The following SPTAN1 variants were observed in gnomAD, a reference collection of about 807,000 sequenced individuals.
SPTAN1 encodes the protein spectrin alpha, non-erythrocytic 1, also known as spectrin alpha chain, non-erythrocytic 1.
In SPTAN1, 61 loss-of-function variants were observed where a neutral mutation model predicts 331.3. That is an observed-to-expected ratio of 0.18 (90% CI 0.15 to 0.23). The LOEUF is 0.23. Ranked by LOEUF, SPTAN1 falls within the 10% of genes least tolerant of loss-of-function variation. SPTAN1 has a pLI of 1.00. For missense variants in SPTAN1, 2,043 were observed against 3,147.9 expected, an observed-to-expected ratio of 0.65 and a Z score of 8.40; for synonymous variants, 1,153 against 1,173.9, an observed-to-expected ratio of 0.98 and a Z score of 0.36.
intron 22 of SPTAN1, among the ~76,000 whole-genome samples, chr9:128,592,097 A>G (rs1363529810): frequency 6.6e-6 from 1 of 151,938 alleles, no homozygotes; most frequent in Non-Finnish European, 1.5e-5. Flanking sequence ...TTCTGACTCC[A>G]CTAGTGGAAT....
In SPTAN1 at chr9:128,633,222, A is replaced by C; in HGVS notation, c.7322A>C (p.Glu2441Ala). The change falls in exon 57 of 57, where the codon GAA (glutamate) becomes GCA (alanine). Residue 2441 changes from glutamate (E) to alanine (A), a missense_variant. Glu to Ala is a moderately radical substitution (Grantham distance 107). Coordinates refer to ENST00000372739, the MANE Select transcript of SPTAN1 (RefSeq NM_001130438.3). ...KEELYQNLTR[E>A]QADYCVSHMK... ...CTTACCCCACAGAACCTGACCCGGG[A>C]ACAAGCCGACTACTGCGTCTCCCAC... 2 of 1,613,980 alleles carry C rather than the reference A, an allele frequency of 1.2e-6. No individual in the cohort carries two copies. The highest frequency in any genetic ancestry group is 1.7e-6 in the Non-Finnish European group (2 of 1,180,008).
rs1216981903 is a variant in SPTAN1 at position 128,607,857 on chromosome 9, C to T, written c.4152C>T (p.His1384=). Residue 1384 remains histidine (H), a synonymous_variant, in exon 33 of 57, where the codon CAC becomes CAT. Coordinates refer to ENST00000372739, the MANE Select transcript of SPTAN1 (RefSeq NM_001130438.3). ...AEALLERHQE[H]RTEIDARAGT... ...CCCTTCCCTCCTTTTGGCAGGAACACCGGACAGAAATCGATGCCAGGGCTG... is the reference window on the plus strand; with the variant it reads ...CCCTTCCCTCCTTTTGGCAGGAACATCGGACAGAAATCGATGCCAGGGCTG... 6.2e-7 allele frequency: 1 copy of T among 1,613,932 alleles called. No individual in the cohort carries two copies. The highest frequency in any genetic ancestry group is 2.2e-5 in the East Asian group (1 of 44,888).
chr9:128,588,853 C>T lies in SPTAN1; in HGVS notation c.2916C>T (p.Val972=), dbSNP rs1251308124. 6.2e-7 allele frequency: 1 copy of T among 1,614,168 alleles called. No individual in the cohort carries two copies. The highest frequency in any genetic ancestry group is 1.7e-5 in the Admixed American group (1 of 60,022). The change falls in exon 21 of 57, where the codon GTC becomes GTT. Residue 972 remains valine (V), a synonymous_variant. Coordinates refer to ENST00000372739, the MANE Select transcript of SPTAN1 (RefSeq NM_001130438.3). The stretch of plus-strand genomic sequence containing the variant: ...ATGATGAGACTGGGAAGGAGCTGGT[C>T]TTGGCTCTCTACGACTATCAGGAGA... The part of the protein sequence containing the change: ...PTDDETGKEL[V]LALYDYQEKS...
At chr9:128,628,222 G>A (rs1053487873) in intron 51 of SPTAN1, 4 of 605,142 alleles carry the variant, frequency 6.6e-6, no homozygotes, top group East Asian at 7.0e-5. Context: ...GATGAAGCAC[G>A]AAGGCCAGAG....
rs148294757 is a variant in SPTAN1 at position 128,615,689 on chromosome 9, G to A, written c.5206G>A (p.Asp1736Asn). 3.7e-6 allele frequency: 6 copies of A among 1,614,020 alleles called. No individual in the cohort carries two copies. The highest frequency in any genetic ancestry group is 2.2e-5 in the South Asian group (2 of 91,076). The stretch of plus-strand genomic sequence containing the variant: ...CAGCCTGATGACCAGCAGTGCCTTC[G>A]ACACCTCCCAAGTAAAGGACAAGAG... ...ADSLMTSSAF[D>N]TSQVKDKRDT... Residue 1736 changes from aspartate to asparagine, a missense_variant, in exon 41 of 57, where the codon GAC becomes AAC. Transcript: ENST00000372739.
chr9:128,584,995 C>T (rs1261140439), intron 18 of SPTAN1, 152 bp downstream of exon 18: 5 of 882,742 alleles, frequency 5.7e-6, no homozygotes, highest in Non-Finnish European at 8.9e-6. Flanking sequence ...CCAGACCTTA[C>T]CCTTTCTGAG....
intron 23 of SPTAN1, 196 bp from the exon 24 acceptor site, chr9:128,593,979 C>A (rs118083072): frequency 3.1e-6 from 2 of 636,956 alleles, no homozygotes; most frequent in South Asian, 1.7e-5. Context: ...GTACAGTGTG[C>A]GCATATCTCT....
intron 21 of SPTAN1, among the ~76,000 whole-genome samples, chr9:128,589,290 CTTTTT>C (rs1171749676): frequency 2.4e-5 from 3 of 126,970 alleles, no homozygotes; most frequent in African/African-American, 8.7e-5. Flanking sequence ...TTTTTCTTTT[CTTTTT>C]TTTTTTTTTT....
chr9:128,556,320 C>A (rs1848639701), intron 1 of SPTAN1, among the ~76,000 whole-genome samples: 1 of 151,680 alleles, frequency 6.6e-6, no homozygotes, highest in African/African-American at 2.4e-5. Flanking sequence ...AATTTAGTAT[C>A]TTGATATCCC....
chr9:128,625,079 T>G lies in SPTAN1; in HGVS notation c.5993-24T>G. 6.2e-7 allele frequency: 1 copy of G among 1,612,022 alleles called. No homozygotes were observed. Among genetic ancestry groups the G allele is most frequent in the Non-Finnish European group, 8.5e-7 (1 of 1,178,190 alleles). On this transcript the variant is annotated intron_variant, in intron 46 of 56. Coordinates refer to ENST00000372739, the MANE Select transcript of SPTAN1 (RefSeq NM_001130438.3). The surrounding 1 kb of genome is among the most constrained non-coding windows in gnomAD (Gnocchi z 4.1). The stretch of plus-strand genomic sequence containing the variant: ...TCCATCTCCACTGAGGAGGGCAGTA[T>G]ATTTTCCACACTTCGTTTTCTAGGT...
At chr9:128,621,646 A>G (rs547250238) in intron 45 of SPTAN1, 1 of 328,404 alleles carries the variant, frequency 3.0e-6, no homozygotes, top group African/African-American at 2.1e-5. Context: ...GACCTGCCAG[A>G]CCTTTCTTTT....
Position 128,600,064 on chromosome 9 carries a change from CTCTT to C in SPTAN1, c.3544-10_3544-7del, listed in dbSNP as rs1268383084. ...GTCAATTGCTTGGCTGCCTAAATTC[CTCTT>C]TCTTTGAATAGGATGAAACTGATTC... On this transcript the variant is annotated splice_polypyrimidine_tract_variant and intron_variant, in intron 26 of 56. Coordinates refer to ENST00000372739, the MANE Select transcript of SPTAN1 (RefSeq NM_001130438.3). The C allele has an allele frequency of 1.2e-6, 2 of 1,614,072 alleles. No homozygotes were observed. Among genetic ancestry groups the C allele is most frequent in the Non-Finnish European group, 1.7e-6 (2 of 1,180,036 alleles).
intron 5 of SPTAN1, among the ~76,000 whole-genome samples, chr9:128,575,655 G>C (rs1334068698): frequency 6.6e-6 from 1 of 152,202 alleles, no homozygotes; most frequent in Admixed American, 6.5e-5. Context: ...TCTCAGACGA[G>C]GGTGTGGTGG....
chr9:128,605,259 C>T (rs370754689), intron 30 of SPTAN1, 37 bp from the exon 31 acceptor site: 2 of 1,614,062 alleles, frequency 1.2e-6, no homozygotes, highest in South Asian at 1.1e-5. Context: ...GAGCATACCC[C>T]CTTACTGCAA....
Position 128,629,078 on chromosome 9 carries a change from C to T in SPTAN1, c.6707+1136C>T, listed in dbSNP as rs1239164014. ...GTGTGTCTGTTGCAGTGTGCTCTTG[C>T]CTCCCCTCCCTTTGGTGTATTCATT... On this transcript the variant is annotated intron_variant, in intron 51 of 56. Coordinates refer to ENST00000372739, the MANE Select transcript of SPTAN1 (RefSeq NM_001130438.3). The surrounding 1 kb of genome is among the most constrained non-coding windows in gnomAD (Gnocchi z 4.9). The T allele has an allele frequency of 5.0e-6, 2 of 398,532 alleles. No individual in the cohort carries two copies. Among genetic ancestry groups the T allele is most frequent in the Admixed American group, 4.4e-5 (1 of 22,718 alleles). The allele number at this position is 398,532 out of a possible 1,614,324, so 24.7% of individuals were successfully genotyped here.
rs776353163 is a variant in SPTAN1 at position 128,598,930 on chromosome 9, A to G, written c.3520-33A>G. ...TTCTTGAGAGATGTGTATTTCTTCT[A>G]ATAATAAAACTGGTTTCTCTCTCTC... On this transcript the variant is annotated intron_variant, in intron 25 of 56. Coordinates refer to ENST00000372739, the MANE Select transcript of SPTAN1 (RefSeq NM_001130438.3). 2.5e-6 allele frequency: 4 copies of G among 1,604,612 alleles called. No homozygotes were observed. In the East Asian group the frequency reaches 8.9e-5, roughly 36 times the overall value.
intron 9 of SPTAN1, 82 bp downstream of exon 9, chr9:128,578,327 A>G (rs1382885666): frequency 7.0e-6 from 11 of 1,568,458 alleles, no homozygotes; most frequent in Non-Finnish European, 9.6e-6. Context: ...TGAGGCCTAT[A>G]GTCGGCGTTG....
At chr9:128,567,166 G>A (rs1850130221) in intron 2 of SPTAN1, among the ~76,000 whole-genome samples, 189 bp downstream of exon 2, 1 of 152,208 alleles carries the variant, frequency 6.6e-6, no homozygotes, top group Non-Finnish European at 1.5e-5. Context: ...GGTATTAATT[G>A]TCTTTTCTGG....
chr9:128,623,204 G>A (rs554257792), intron 45 of SPTAN1, among the ~76,000 whole-genome samples: 22 of 151,262 alleles, frequency 1.5e-4, no homozygotes, highest in African/African-American at 4.9e-4. Flanking sequence ...CCACAGGTGG[G>A]TGTCAACACA....
Sources: allele counts gnomAD v4.1 joint callset (sites outside exome capture counted in the v4.1 genomes callset), GRCh38; gene constraint gnomAD v4.1.1; non-coding constraint Gnocchi (gnomAD v3.1); transcripts MANE v1.5; gene names NCBI Gene and HGNC (gene_info 2026-07-23, HGNC 2026-07-21).